ERGIC2: variants seen among roughly 807,000 people sequenced by gnomAD.
The protein encoded by ERGIC2 is endoplasmic reticulum-Golgi intermediate compartment protein 2.
A neutral mutation model predicts 52.5 loss-of-function variants in ERGIC2; 31 were observed. The observed-to-expected ratio is 0.59, with a 90% CI of 0.44 to 0.80. ERGIC2 has a LOEUF of 0.80. Among genes scored for constraint, ERGIC2 ranks in the 30% least tolerant of loss-of-function variants. The pLI is 0.00. For synonymous variants in ERGIC2, 129 were observed against 140.6 expected, an observed-to-expected ratio of 0.92 and a Z score of 0.58; for missense variants, 395 against 455.2, an observed-to-expected ratio of 0.87 and a Z score of 1.20.
chr12:29,372,267 T>G (rs1015220369), intron 1 of ERGIC2, among the ~76,000 whole-genome samples: 1 of 151,888 alleles, frequency 6.6e-6, no homozygotes, highest in African/African-American at 2.4e-5. Context: ...CGCTTGAACC[T>G]GGAAGGTGGA....
At position 29,361,781 on chromosome 12, in the gene ERGIC2, T is replaced by G. The variant is rs1307045157; in HGVS notation, c.334-96A>C. ...TTTTCTTTGAGCAGGAAACATAAAC[T>G]TAAGTGTTGTTAAAAACAAGTATTC... On this transcript the variant is annotated intron_variant, in intron 5 of 13. Coordinates refer to ENST00000360150, the MANE Select transcript of ERGIC2 (RefSeq NM_016570.3). The G allele has an allele frequency of 5.8e-6, 5 of 868,280 alleles. No homozygotes were observed. In the East Asian group the frequency reaches 1.4e-4, roughly 24 times the overall value. The allele number at this position is 868,280 out of a possible 1,614,324, so 53.8% of individuals were successfully genotyped here.
intron 1 of ERGIC2, among the ~76,000 whole-genome samples, chr12:29,375,560 G>T (rs1212326170): frequency 6.6e-6 from 1 of 152,070 alleles, no homozygotes; most frequent in Non-Finnish European, 1.5e-5. Context: ...TTAAACAAAT[G>T]AATAAAACAG....
At position 29,350,780 on chromosome 12, in the gene ERGIC2, G is replaced by A. The variant is rs186953645; in HGVS notation, c.573-712C>T. Among the ~76,000 whole-genome samples the A allele has an allele frequency of 3.9e-3, 591 of 152,128 alleles. 2 individuals carry two copies. Among genetic ancestry groups the A allele is most frequent in the Non-Finnish European group, 7.2e-3 (489 of 67,926 alleles). ...AAGTTCTGGAACTATAGTTTGAAAG[G>A]TCAGAAAATATATTCAAGTATGAGA... On this transcript the variant is annotated intron_variant, in intron 8 of 13. Transcript: ENST00000360150.
chr12:29,359,072 A>G (rs1940248181), intron 6 of ERGIC2, among the ~76,000 whole-genome samples: 1 of 152,100 alleles, frequency 6.6e-6, no homozygotes, highest in South Asian at 2.1e-4. Flanking sequence ...AGAAAATTCT[A>G]GAAGTAAAGA....
chr12:29,364,036 A>C (rs1480980771), intron 5 of ERGIC2, among the ~76,000 whole-genome samples: 1 of 152,184 alleles, frequency 6.6e-6, no homozygotes, highest in Non-Finnish European at 1.5e-5. Context: ...CATATGCTGT[A>C]AACTTTCATG....
Position 29,362,863 on chromosome 12 carries a change from T to C in ERGIC2, c.334-1178A>G, listed in dbSNP as rs564691402. Among the ~76,000 whole-genome samples the C allele has an allele frequency of 4.6e-5, 7 of 152,306 alleles. No individual in the cohort carries two copies. The South Asian group carries it at 1.2e-3, about 27-fold the overall frequency. On this transcript the variant is annotated intron_variant, in intron 5 of 13. Transcript: ENST00000360150. ...CATATAAGGAAAATGCTAACATCTA[T>C]AAAACACAACACAGCAAACCAATAA... is the stretch of plus-strand genomic sequence containing the variant.
intron 4 of ERGIC2, among the ~76,000 whole-genome samples, chr12:29,367,794 A>T (rs1320556079): frequency 1.3e-5 from 2 of 151,876 alleles, no homozygotes; most frequent in Non-Finnish European, 3.0e-5. Flanking sequence ...AAGTGAGTCC[A>T]GTGACGAAAA....
intron 10 of ERGIC2, among the ~76,000 whole-genome samples, chr12:29,347,553 C>T (rs1361772427): frequency 6.6e-6 from 1 of 151,992 alleles, no homozygotes; most frequent in Non-Finnish European, 1.5e-5. Flanking sequence ...CACTTATTAC[C>T]TAAAGATCTA....
At chr12:29,363,603 T>C (rs1177010452) in intron 5 of ERGIC2, among the ~76,000 whole-genome samples, 3 of 152,038 alleles carry the variant, frequency 2.0e-5, no homozygotes, top group Non-Finnish European at 2.9e-5. Context: ...CATAAACTAC[T>C]AGAAGAGATG....
chr12:29,362,504 C>T (rs150312231), intron 5 of ERGIC2, among the ~76,000 whole-genome samples: 5,467 of 151,574 alleles, frequency 0.036, 303 homozygotes, highest in African/African-American at 0.12. Context: ...GGCTGAAGCA[C>T]GAGAATTGCT....
At chr12:29,363,916 G>A (rs983940834) in intron 5 of ERGIC2, among the ~76,000 whole-genome samples, 1 of 149,856 alleles carries the variant, frequency 6.7e-6, no homozygotes, top group East Asian at 1.9e-4. Context: ...GACTTTTAGA[G>A]GATACATTCA....
chr12:29,352,643 A>C (rs1371200768), intron 8 of ERGIC2, among the ~76,000 whole-genome samples: 1 of 152,168 alleles, frequency 6.6e-6, no homozygotes, highest in African/African-American at 2.4e-5. Flanking sequence ...CAGCATGAGC[A>C]ACAGAGCGAG....
chr12:29,347,796 G>A (rs1940078399), intron 10 of ERGIC2, among the ~76,000 whole-genome samples: 1 of 152,072 alleles, frequency 6.6e-6, no homozygotes, highest in South Asian at 2.1e-4. Context: ...TATACAAACT[G>A]CTTTAAAGCT....
At chr12:29,374,280 C>A (rs1050685125) in intron 1 of ERGIC2, among the ~76,000 whole-genome samples, 3 of 152,316 alleles carry the variant, frequency 2.0e-5, no homozygotes, top group Non-Finnish European at 4.4e-5. Flanking sequence ...CTTATCACTT[C>A]TTTTTCTTCT....
chr12:29,377,180 T>G (rs1940526686), intron 1 of ERGIC2, among the ~76,000 whole-genome samples: 1 of 152,220 alleles, frequency 6.6e-6, no homozygotes, highest in African/African-American at 2.4e-5. Context: ...TATTCATACC[T>G]TGACAATCTC....
At chr12:29,367,286 T>C (rs758428072) in intron 4 of ERGIC2, among the ~76,000 whole-genome samples, 37 of 151,646 alleles carry the variant, frequency 2.4e-4, no homozygotes, top group Non-Finnish European at 4.7e-4. Context: ...AAGAACCTAA[T>C]CACAAGTACT....
intron 8 of ERGIC2, 59 bp from the exon 9 acceptor site, chr12:29,350,127 A>G: frequency 1.0e-6 from 1 of 969,600 alleles, no homozygotes; most frequent in African/African-American, 1.7e-5. Flanking sequence ...ATTAATTAAA[A>G]TCAGAAACTG....
intron 5 of ERGIC2, among the ~76,000 whole-genome samples, chr12:29,364,722 C>T (rs2136871198): frequency 6.6e-6 from 1 of 152,080 alleles, no homozygotes; most frequent in East Asian, 1.9e-4. Flanking sequence ...TGATAAAGGT[C>T]TAATATCCAG....
chr12:29,342,201 C>T (rs186123895), intron 12 of ERGIC2, among the ~76,000 whole-genome samples: 33 of 152,194 alleles, frequency 2.2e-4, no homozygotes, highest in Non-Finnish European at 3.5e-4. Flanking sequence ...TCAGTAGAGA[C>T]GGGGTTTAGC....
Sources: allele counts gnomAD v4.1 joint callset (sites outside exome capture counted in the v4.1 genomes callset), GRCh38; gene constraint gnomAD v4.1.1; transcripts MANE v1.5; gene names NCBI Gene and HGNC (gene_info 2026-07-23, HGNC 2026-07-21).